The following COP1 variants were observed in gnomAD, a reference collection of about 807,000 sequenced individuals.
COP1 encodes COP1 E3 ubiquitin ligase.
A neutral mutation model predicts 101.3 loss-of-function variants in COP1; 24 were observed. That is an observed-to-expected ratio of 0.24 (90% CI 0.17 to 0.33). The LOEUF (loss-of-function observed/expected upper bound fraction) is 0.33. COP1 is among the 10% of genes least tolerant of loss of function. The pLI is 1.00. For missense variants in COP1, 663 were observed against 906.2 expected, an observed-to-expected ratio of 0.73 and a Z score of 3.45; for synonymous variants, 347 against 341.9, an observed-to-expected ratio of 1.01 and a Z score of -0.17.
chr1:175,993,210 A>C (rs965120056), intron 15 of COP1, among the ~76,000 whole-genome samples: 1 of 152,238 alleles, frequency 6.6e-6, no homozygotes, highest in Non-Finnish European at 1.5e-5. Context: ...AAACTAACAA[A>C]CAGAAAGGAC....
chr1:176,058,057 G>A (rs1181406749), intron 11 of COP1, among the ~76,000 whole-genome samples: 7 of 132,844 alleles, frequency 5.3e-5, no homozygotes, highest in African/African-American at 1.5e-4. Flanking sequence ...CCCTCCGCCC[G>A]GCAGCCGCCC....
chr1:176,206,675 T>C lies in COP1; in HGVS notation c.304A>G (p.Ser102Gly), dbSNP rs771057212. The change falls in exon 1 of 20, where the codon AGC becomes GGC. Residue 102 changes from serine (S) to glycine (G), a missense_variant. Around this residue, in one of 4 missense-constraint regions of COP1, gnomAD observed 204 missense variants for 203.6 expected, o/e 1.00. Transcript: ENST00000367669. ...AARPSAGVGG[S>G]SSSLGSGSRK... ...CTGCCGCTGCCTAGGCTGGAGCTGC[T>C]GCCTCCTACGCCGGCGCTGGGCCTG... is the stretch of plus-strand genomic sequence containing the variant. 1.9e-6 allele frequency: 3 copies of C among 1,609,540 alleles called. No individual in the cohort carries two copies. The African/African-American group carries it at 4.0e-5, about 21-fold the overall frequency.
intron 15 of COP1, among the ~76,000 whole-genome samples, chr1:176,004,170 A>C (rs1470751994): frequency 6.6e-6 from 1 of 151,314 alleles, no homozygotes; most frequent in Non-Finnish European, 1.5e-5. Context: ...GTTGGTGTGT[A>C]AGAATGCTTG....
chr1:176,202,313 T>C lies in COP1; in HGVS notation c.407+4259A>G, dbSNP rs117857217. Among the ~76,000 whole-genome samples, 107 of 151,808 alleles carry C rather than the reference T, an allele frequency of 7.0e-4. 2 individuals are homozygous for C. In the East Asian group the frequency reaches 0.02, roughly 29 times the overall value. On this transcript the variant is annotated intron_variant, in intron 1 of 19. Coordinates refer to ENST00000367669, the MANE Select transcript of COP1 (RefSeq NM_022457.7). Reference sequence around the variant, plus strand: ...CAAGTGATCCTCCCATCTCAGCTTCTTGAGTAGCTGGGACTACAGGCACAA... The same window carrying C: ...CAAGTGATCCTCCCATCTCAGCTTCCTGAGTAGCTGGGACTACAGGCACAA...
chr1:176,168,199 C>T (rs1380226859), intron 3 of COP1, among the ~76,000 whole-genome samples: 5 of 151,568 alleles, frequency 3.3e-5, no homozygotes, highest in African/African-American at 7.3e-5. Flanking sequence ...CTGGGATTAC[C>T]GGTGCGCACC....
At chr1:176,127,123 G>A (rs930027469) in intron 8 of COP1, among the ~76,000 whole-genome samples, 6 of 151,944 alleles carry the variant, frequency 3.9e-5, no homozygotes, top group African/African-American at 1.5e-4. Context: ...GAATATTTAC[G>A]AGGTATAAAA....
chr1:176,028,955 C>T (rs1296395758), intron 14 of COP1, among the ~76,000 whole-genome samples: 1 of 151,310 alleles, frequency 6.6e-6, no homozygotes, highest in Non-Finnish European at 1.5e-5. Flanking sequence ...GGTTTCATCA[C>T]GTTGCTGAGA....
chr1:176,133,933 T>C, intron 8 of COP1: 1 of 440,268 alleles, frequency 2.3e-6, no homozygotes, highest in Non-Finnish European at 4.5e-6. Context: ...GACCAAGTCA[T>C]TCTCAAATGT....
In COP1 at chr1:175,972,918, C is replaced by T. The variant is rs947004815; in HGVS notation, c.2133+14025G>A. 7.9e-5 allele frequency among the ~76,000 whole-genome samples: 12 copies of T among 152,118 alleles called. No homozygotes were observed. The South Asian group carries it at 1.0e-3, about 13-fold the overall frequency. ...CACGATCTTGGCTCACCACAACCTC[C>T]GCCTCCCAGATTCAAGCAATTCTTT... On this transcript the variant is annotated intron_variant, in intron 18 of 19. Coordinates refer to ENST00000367669, the MANE Select transcript of COP1 (RefSeq NM_022457.7).
At chr1:176,002,245 G>C (rs760827348) in intron 15 of COP1, among the ~76,000 whole-genome samples, 1 of 152,026 alleles carries the variant, frequency 6.6e-6, no homozygotes, top group Non-Finnish European at 1.5e-5. Context: ...CTCCAGGTTT[G>C]TGAAGTTCAT....
At chr1:175,970,143 ATG>A (rs1223132177) in intron 18 of COP1, among the ~76,000 whole-genome samples, 1 of 152,170 alleles carries the variant, frequency 6.6e-6, no homozygotes, top group African/African-American at 2.4e-5. Context: ...GGCAACACTA[ATG>A]AAGCATAACA....
intron 1 of COP1, among the ~76,000 whole-genome samples, chr1:176,204,018 T>C (rs1258326964): frequency 1.3e-5 from 2 of 152,206 alleles, no homozygotes; most frequent in Non-Finnish European, 2.9e-5. Context: ...ATTTATCTCA[T>C]ATGATTATGA....
chr1:176,063,897 TTAAG>T (rs1675432554), intron 11 of COP1, among the ~76,000 whole-genome samples: 1 of 152,160 alleles, frequency 6.6e-6, no homozygotes, highest in African/African-American at 2.4e-5. Context: ...GTTATTACTG[TTAAG>T]TAAGTAATGA....
At chr1:176,012,737 C>G (rs1390374473) in intron 15 of COP1, among the ~76,000 whole-genome samples, 1 of 151,992 alleles carries the variant, frequency 6.6e-6, no homozygotes, top group Non-Finnish European at 1.5e-5. Context: ...CGAATACTTA[C>G]CATTGTGCTA....
At chr1:176,163,787 A>G (rs753972731) in intron 4 of COP1, 28 bp downstream of exon 4, 1 of 1,349,912 alleles carries the variant, frequency 7.4e-7, no homozygotes, top group East Asian at 2.3e-5. Flanking sequence ...GAAATTTATT[A>G]AAAATAGTAA....
intron 11 of COP1, among the ~76,000 whole-genome samples, chr1:176,073,798 GT>G (rs1677446316): frequency 6.6e-6 from 1 of 152,184 alleles, no homozygotes; most frequent in African/African-American, 2.4e-5. Flanking sequence ...TACGTTTCTG[GT>G]TCGGCCTTTT....
intron 18 of COP1, among the ~76,000 whole-genome samples, chr1:175,961,750 A>G (rs1357338): frequency 0.92 from 135,908 of 148,300 alleles, 63,221 homozygotes; most frequent in East Asian, 1. Context: ...GGGCAACTGA[A>G]GAAGTAAGAA....
chr1:175,996,814 C>G (rs1261110687), intron 15 of COP1, among the ~76,000 whole-genome samples: 1 of 152,062 alleles, frequency 6.6e-6, no homozygotes, highest in Non-Finnish European at 1.5e-5. Context: ...CTGAAAATGG[C>G]CATACTGCCC....
chr1:176,018,837 A>C (rs189863871), intron 15 of COP1: 1 of 152,012 alleles, frequency 6.6e-6, no homozygotes, highest in Non-Finnish European at 1.5e-5. Context: ...ACACCACTGC[A>C]CTCCAGCCTG....
Sources: gnomAD v4.1 joint callset for allele counts (sites outside exome capture counted in the v4.1 genomes callset) on GRCh38, gnomAD v4.1.1 for gene constraint, gnomAD v4.1.1 regional missense constraint, MANE v1.5 for transcripts, NCBI Gene and HGNC (gene_info 2026-07-23, HGNC 2026-07-21) for gene names.